FRAS1: variants seen among roughly 807,000 people sequenced by gnomAD.
FRAS1 encodes the protein Fraser extracellular matrix complex subunit 1, also known as extracellular matrix organizing protein FRAS1.
Under a neutral mutation model 435.2 loss-of-function variants are expected in FRAS1, and 290 were observed. That is an observed-to-expected ratio of 0.67 (90% CI 0.61 to 0.73). FRAS1 has a LOEUF of 0.73. Among genes scored for constraint, FRAS1 ranks in the 30% least tolerant of loss-of-function variants. FRAS1 has a pLI of 0.00. For missense variants in FRAS1, 4,860 were observed against 5,001.5 expected (o/e 0.97, Z 0.85); for synonymous variants, 1,800 against 1,851.0 (o/e 0.97, Z 0.71).
Position 78,464,108 on chromosome 4 carries a change from A to C in FRAS1, c.6851A>C (p.Asp2284Ala). The change falls in exon 48 of 74, where the codon GAT (aspartate) becomes GCT (alanine). Residue 2284 changes from aspartate to alanine, a missense_variant. By Grantham distance (126) the Asp-to-Ala change is moderately radical. Coordinates refer to ENST00000512123, the MANE Select transcript of FRAS1 (RefSeq NM_025074.7). ...VHSSEAEKHS[D>A]AFSFTLSDGV... ...TCTAGTGAGGCTGAGAAACATTCAG[A>C]TGCCTTCAGCTTTACACTGTCTGAT... 1 of 1,613,634 alleles carries C rather than the reference A, an allele frequency of 6.2e-7. No individual in the cohort carries two copies. The highest frequency in any genetic ancestry group is 1.1e-5 in the South Asian group (1 of 91,034).
At chr4:78,370,378 TTGG>T (rs1731456104) in intron 23 of FRAS1, among the ~76,000 whole-genome samples, 1 of 152,168 alleles carries the variant, frequency 6.6e-6, no homozygotes, top group Admixed American at 6.5e-5. Flanking sequence ...TCAAGTGTTG[TTGG>T]TTTTTTCTTA....
At chr4:78,260,611 A>G (rs13112977) in intron 6 of FRAS1, among the ~76,000 whole-genome samples, 10,747 of 151,808 alleles carry the variant, frequency 0.071, 446 homozygotes, top group Non-Finnish European at 0.091. Flanking sequence ...GGGCTGAGAC[A>G]ATGGGGTTTT....
chr4:78,414,081 T>G (rs1733459300), intron 32 of FRAS1, among the ~76,000 whole-genome samples: 1 of 152,218 alleles, frequency 6.6e-6, no homozygotes, highest in African/African-American at 2.4e-5. Context: ...GGGTCTGGGT[T>G]ATGACAGAGA....
chr4:78,274,146 G>C (rs1189752820), intron 9 of FRAS1, among the ~76,000 whole-genome samples: 1 of 152,094 alleles, frequency 6.6e-6, no homozygotes, highest in Non-Finnish European at 1.5e-5. Flanking sequence ...TATTTCTGTG[G>C]GATAGGTGTT....
intron 19 of FRAS1, among the ~76,000 whole-genome samples, chr4:78,336,652 T>TC (rs369198092): frequency 6.6e-6 from 1 of 152,010 alleles, no homozygotes; most frequent in East Asian, 1.9e-4. Flanking sequence ...TTTTTTTTTT[T>TC]CTTAAATAAC....
chr4:78,539,463 A>G, intron 73 of FRAS1, 23 bp downstream of exon 73: 2 of 1,575,684 alleles, frequency 1.3e-6, no homozygotes, highest in Non-Finnish European at 1.7e-6. Context: ...AGAAGAACAG[A>G]AGCTTAAGAC....
chr4:78,335,462 T>C (rs1730134996), intron 19 of FRAS1, among the ~76,000 whole-genome samples: 1 of 152,208 alleles, frequency 6.6e-6, no homozygotes, highest in South Asian at 2.1e-4. Flanking sequence ...GCCTATCACC[T>C]AACCTAAGAA....
chr4:78,391,159 C>A (rs908341266), intron 29 of FRAS1, among the ~76,000 whole-genome samples: 2 of 152,166 alleles, frequency 1.3e-5, no homozygotes, highest in Non-Finnish European at 2.9e-5. Flanking sequence ...CTGTGATAGC[C>A]CACCTGGGAA....
chr4:78,320,846 G>A (rs780710594), intron 18 of FRAS1, among the ~76,000 whole-genome samples: 8 of 152,110 alleles, frequency 5.3e-5, no homozygotes, highest in Non-Finnish European at 8.8e-5. Flanking sequence ...GATGCCAAGT[G>A]AGACCCCTGG....
rs193096007 is a variant in FRAS1, at chr4:78,365,482, C to T, written c.2722+1428C>T. On this transcript the variant is annotated intron_variant, in intron 22 of 73. Coordinates refer to ENST00000512123, the MANE Select transcript of FRAS1 (RefSeq NM_025074.7). ...CAGTGGAATCACAGAAATAAAAGTT[C>T]AAAAGAAAAAATAGAATCCATTGTA... Among the ~76,000 whole-genome samples, 19 of 151,756 alleles carry T rather than the reference C, an allele frequency of 1.3e-4. 1 individual carries two copies. Among genetic ancestry groups the T allele is most frequent in the Admixed American group, 1.1e-3 (17 of 15,232 alleles).
intron 18 of FRAS1, among the ~76,000 whole-genome samples, chr4:78,321,347 A>G (rs755390921): frequency 7.2e-5 from 11 of 152,200 alleles, no homozygotes; most frequent in Non-Finnish European, 1.6e-4. Flanking sequence ...TAAGTCCAGT[A>G]TCCAGTATCC....
intron 2 of FRAS1, among the ~76,000 whole-genome samples, chr4:78,152,913 C>T (rs992228800): frequency 6.6e-6 from 1 of 152,018 alleles, no homozygotes; most frequent in Non-Finnish European, 1.5e-5. Context: ...TTCCATCAGC[C>T]CTCGTCCTAC....
At chr4:78,267,052 T>A in intron 8 of FRAS1, 117 bp downstream of exon 8, 1 of 924,732 alleles carries the variant, frequency 1.1e-6, no homozygotes, top group Non-Finnish European at 1.7e-6. Context: ...GTTTGCAAAG[T>A]TACATAAAGA....
At chr4:78,208,934 C>T (rs775384418) in intron 2 of FRAS1, among the ~76,000 whole-genome samples, 2 of 151,860 alleles carry the variant, frequency 1.3e-5, no homozygotes, top group African/African-American at 2.4e-5. Flanking sequence ...CCCAGGAGTT[C>T]GAGACCAGCC....
chr4:78,453,037 AAAC>A (rs1473918077), intron 47 of FRAS1, among the ~76,000 whole-genome samples: 1 of 150,916 alleles, frequency 6.6e-6, no homozygotes, highest in African/African-American at 2.5e-5. Context: ...CACATTCAAA[AAAC>A]AACAATTAGG....
At chr4:78,127,846 C>T (rs1450127744) in intron 2 of FRAS1, among the ~76,000 whole-genome samples, 1 of 151,590 alleles carries the variant, frequency 6.6e-6, no homozygotes, top group Non-Finnish European at 1.5e-5. Flanking sequence ...TGGTGTGCTG[C>T]ACCCAATAAC....
In FRAS1 at chr4:78,540,523, C is replaced by T. The variant is rs1314276017; in HGVS notation, c.11446-8C>T. Reference sequence around the variant, plus strand: ...CAACAACAACATGTTCGGTTTGTCCCCCTGCAGGTGGAAGCAGGACACCAG... The same window carrying T: ...CAACAACAACATGTTCGGTTTGTCCTCCTGCAGGTGGAAGCAGGACACCAG... On this transcript the variant is annotated splice_polypyrimidine_tract_variant and splice_region_variant and intron_variant, in intron 73 of 73. Transcript: ENST00000512123. 5 of 1,480,776 alleles carry T rather than the reference C, an allele frequency of 3.4e-6. No homozygotes were observed. Among genetic ancestry groups the T allele is most frequent in the Non-Finnish European group, 4.5e-6 (5 of 1,111,358 alleles). 91.7% of individuals were successfully genotyped at this position (1,480,776 alleles called of 1,614,324 possible).
chr4:78,271,664 A>G (rs575779573), intron 9 of FRAS1, among the ~76,000 whole-genome samples: 1 of 152,166 alleles, frequency 6.6e-6, no homozygotes, highest in Non-Finnish European at 1.5e-5. Flanking sequence ...TTATGGCTGC[A>G]TAGTATTCCA....
chr4:78,102,831 T>A (rs190032104), intron 2 of FRAS1, among the ~76,000 whole-genome samples: 2 of 152,318 alleles, frequency 1.3e-5, no homozygotes, highest in African/African-American at 4.8e-5. Context: ...GATGAGAGGT[T>A]GAACATTGAG....
Sources: gnomAD v4.1 joint callset for allele counts (sites outside exome capture counted in the v4.1 genomes callset) on GRCh38, gnomAD v4.1.1 for gene constraint, MANE v1.5 for transcripts, NCBI Gene and HGNC (gene_info 2026-07-23, HGNC 2026-07-21) for gene names.